CCNJL: variants seen among roughly 807,000 people sequenced by gnomAD.
The protein encoded by CCNJL is cyclin-J-like protein.
A neutral mutation model predicts 33.4 loss-of-function variants in CCNJL; 33 were observed. That is an observed-to-expected ratio of 0.99 (90% CI 0.75 to 1.32). The LOEUF (loss-of-function observed/expected upper bound fraction) is 1.32, where lower values mean the gene tolerates loss of function less well. CCNJL is among the 40% of genes most tolerant of loss of function. The pLI, the probability that CCNJL is intolerant of heterozygous loss-of-function variation, is 0.00. For missense variants in CCNJL, 512 were observed against 499.7 expected (o/e 1.02, Z -0.23); for synonymous variants, 227 against 220.9 (o/e 1.03, Z -0.24).
intron 3 of CCNJL, among the ~76,000 whole-genome samples, chr5:160,274,174 AAGGGCC>A (rs1340749540): frequency 2.0e-5 from 3 of 151,970 alleles, no homozygotes; most frequent in Non-Finnish European, 4.4e-5. Context: ...AATCTATAGT[AAGGGCC>A]AGGTGTGGTG....
intron 1 of CCNJL, among the ~76,000 whole-genome samples, chr5:160,321,054 CT>C (rs1186637750): frequency 8.4e-6 from 1 of 118,826 alleles, no homozygotes; most frequent in Non-Finnish European, 1.6e-5. Context: ...TTCTTTCTTT[CT>C]TTCTTTCTTT....
intron 4 of CCNJL, 51 bp downstream of exon 4, chr5:160,259,417 CT>C: frequency 6.4e-7 from 1 of 1,555,726 alleles, no homozygotes; most frequent in Non-Finnish European, 8.7e-7. Flanking sequence ...ACCCCGACCC[CT>C]GGGTGGTGGG....
intron 4 of CCNJL, chr5:160,258,695 T>C (rs1269228621): frequency 2.6e-6 from 2 of 780,592 alleles, no homozygotes; most frequent in Non-Finnish European, 4.6e-6. Flanking sequence ...TAAATATCTA[T>C]TGTAAAAAAC....
intron 3 of CCNJL, among the ~76,000 whole-genome samples, chr5:160,265,351 A>G (rs533622705): frequency 2.0e-5 from 3 of 152,184 alleles, no homozygotes; most frequent in Non-Finnish European, 4.4e-5. Context: ...AAGAAATGCA[A>G]TGCCGGCCAG....
intron 2 of CCNJL, among the ~76,000 whole-genome samples, chr5:160,305,066 G>A (rs1202309966): frequency 1.3e-5 from 2 of 151,882 alleles, no homozygotes; most frequent in Non-Finnish European, 1.5e-5. Context: ...CGCTCATCTC[G>A]GCCTCCCAAA....
intron 3 of CCNJL, among the ~76,000 whole-genome samples, chr5:160,270,914 T>C (rs962852798): frequency 1.3e-5 from 2 of 152,096 alleles, no homozygotes; most frequent in African/African-American, 4.8e-5. Context: ...CATGAACCTG[T>C]TTTACAAGTA....
At chr5:160,279,588 C>T (rs113737001) in intron 3 of CCNJL, among the ~76,000 whole-genome samples, 3 of 152,302 alleles carry the variant, frequency 2.0e-5, no homozygotes, top group African/African-American at 7.2e-5. Flanking sequence ...GAGACCTCAC[C>T]TGCTGAGGGC....
rs577423899 is a variant in CCNJL at position 160,283,416 on chromosome 5, G to C, written c.67-2678C>G. 2.6e-5 allele frequency among the ~76,000 whole-genome samples: 4 copies of C among 152,276 alleles called. No individual in the cohort carries two copies. In the East Asian group the frequency reaches 7.7e-4, roughly 29 times the overall value. On this transcript the variant is annotated intron_variant, in intron 2 of 5. Coordinates refer to ENST00000257536, the MANE Select transcript of CCNJL (RefSeq NM_001308173.3). The stretch of plus-strand genomic sequence containing the variant: ...GAGTTATAAAGCTGTTCTGTCATTA[G>C]ATAGTGGTGATGATTGTATAGCTCT...
chr5:160,277,535 T>A (rs1034477599), intron 3 of CCNJL, among the ~76,000 whole-genome samples: 4 of 152,200 alleles, frequency 2.6e-5, no homozygotes, highest in Admixed American at 6.5e-5. Flanking sequence ...TAGAGTTCTA[T>A]CCTGTGTTAA....
At chr5:160,312,236 A>G in intron 1 of CCNJL, 128 bp downstream of exon 1, 1 of 463,660 alleles carries the variant, frequency 2.2e-6, no homozygotes, top group Non-Finnish European at 3.9e-6. Context: ...GAAAGTTGTC[A>G]ACTCCGCTAG....
intron 1 of CCNJL, among the ~76,000 whole-genome samples, chr5:160,331,239 T>C (rs1763604328): frequency 6.8e-6 from 1 of 148,022 alleles, no homozygotes; most frequent in Non-Finnish European, 1.5e-5. Flanking sequence ...TTTTTTTTTT[T>C]GTGAGATGGA....
chr5:160,261,791 C>G (rs971816591), intron 3 of CCNJL, among the ~76,000 whole-genome samples: 4 of 152,184 alleles, frequency 2.6e-5, no homozygotes, highest in African/African-American at 9.7e-5. Flanking sequence ...AGATTACTTG[C>G]TTAACATCAA....
intron 2 of CCNJL, among the ~76,000 whole-genome samples, chr5:160,299,114 G>A (rs1346259204): frequency 6.6e-6 from 1 of 152,004 alleles, no homozygotes; most frequent in African/African-American, 2.4e-5. Context: ...AAGTAGTTGG[G>A]ATTACAGGTG....
At chr5:160,281,033 G>C (rs1350136196) in intron 2 of CCNJL, 1 of 463,552 alleles carries the variant, frequency 2.2e-6, no homozygotes, top group African/African-American at 2.0e-5. Flanking sequence ...AAGGAATAAA[G>C]GCATTGGGGT....
chr5:160,278,591 T>C (rs976825490), intron 3 of CCNJL, among the ~76,000 whole-genome samples: 1 of 152,080 alleles, frequency 6.6e-6, no homozygotes, highest in East Asian at 1.9e-4. Flanking sequence ...CTCAGACACG[T>C]GGGTGGGGGC....
At chr5:160,284,217 T>C in intron 2 of CCNJL, among the ~76,000 whole-genome samples, 1 of 152,004 alleles carries the variant, frequency 6.6e-6, no homozygotes, top group East Asian at 1.9e-4. Flanking sequence ...CCTGTTGTGG[T>C]GGTGAGTGCC....
chr5:160,262,123 C>T lies in CCNJL; in HGVS notation c.281-2352G>A, dbSNP rs566694529. ...CCCCTGAATCTTGTGCTGAGCCAGC[C>T]TTGGTTGCATGCACTCAGCAGAAAC... On this transcript the variant is annotated intron_variant, in intron 3 of 5. Coordinates refer to ENST00000257536, the MANE Select transcript of CCNJL (RefSeq NM_001308173.3). Among the ~76,000 whole-genome samples the T allele has an allele frequency of 2.6e-5, 4 of 152,244 alleles. No homozygotes were observed. In the East Asian group the frequency reaches 7.7e-4, roughly 29 times the overall value.
intron 1 of CCNJL, among the ~76,000 whole-genome samples, chr5:160,320,756 C>T (rs1387070144): frequency 6.6e-6 from 1 of 151,628 alleles, no homozygotes. Flanking sequence ...TTGACTTTGC[C>T]TCTTTCTTTT....
chr5:160,259,754 C>T lies in CCNJL; in HGVS notation c.298G>A (p.Glu100Lys). 1 of 1,609,304 alleles carries T rather than the reference C, an allele frequency of 6.2e-7. No homozygotes were observed. The highest frequency in any genetic ancestry group is 2.2e-5 in the East Asian group (1 of 44,816). Residue 100 changes from glutamate (E) to lysine (K), a missense_variant, in exon 4 of 6, where the codon GAA (glutamate) becomes AAA (lysine). Coordinates refer to ENST00000257536, the MANE Select transcript of CCNJL (RefSeq NM_001308173.3). ...LLLASKFEDR[E>K]DHVPKLEQIN... The stretch of plus-strand genomic sequence containing the variant: ...TGCTCCAACTTGGGGACGTGGTCTT[C>T]CCGATCCTCGAACTTACCTGTCGGG...
Sources: gnomAD v4.1 joint callset for allele counts (sites outside exome capture counted in the v4.1 genomes callset) on GRCh38, gnomAD v4.1.1 for gene constraint, MANE v1.5 for transcripts, NCBI Gene and HGNC (gene_info 2026-07-23, HGNC 2026-07-21) for gene names.